Variants in TAL1 observed in about 807,000 individuals in gnomAD.
TAL1 encodes TAL bHLH transcription factor 1, erythroid differentiation factor.
TAL1 carries 8 observed loss-of-function variants against 17.9 expected under a neutral mutation model. That is an observed-to-expected ratio of 0.45 (90% CI 0.26 to 0.81). The LOEUF is 0.81. Ranked by LOEUF, TAL1 falls within the 30% of genes least tolerant of loss-of-function variation. The pLI is 0.17. For missense variants in TAL1, 466 were observed against 486.9 expected, an observed-to-expected ratio of 0.96 and a Z score of 0.40; for synonymous variants, 223 against 218.6, an observed-to-expected ratio of 1.02 and a Z score of -0.18.
chr1:47,225,438 C>G lies in TAL1; in HGVS notation c.446+5G>C. Reference sequence around the variant, plus strand: ...GCCCCTGGCCCCTGGCCCCTGGCCCCTGACCTGCCGAGAGAGGCCAGCGGC... The same window carrying G: ...GCCCCTGGCCCCTGGCCCCTGGCCCGTGACCTGCCGAGAGAGGCCAGCGGC... On this transcript the variant is annotated splice_donor_5th_base_variant and intron_variant, in intron 2 of 3. Transcript: ENST00000294339. 8.1e-7 allele frequency: 1 copy of G among 1,231,260 alleles called. No homozygotes were observed. Among genetic ancestry groups the G allele is most frequent in the Non-Finnish European group, 1.0e-6 (1 of 988,064 alleles). The allele number at this position is 1,231,260 out of a possible 1,614,324, so 76.3% of individuals were successfully genotyped here.
Position 47,225,664 on chromosome 1 carries a change from CT to C in TAL1, c.224del (p.Lys75ArgfsTer47). ...CTTCGGCCGTCGCCGCGTCGCGGCCCTTTAAGTCTCTCGCGGCGCCGCCCCC... is the reference window on the plus strand; with the variant it reads ...CTTCGGCCGTCGCCGCGTCGCGGCCCTTAAGTCTCTCGCGGCGCCGCCCCC... On this transcript the variant is annotated frameshift_variant, in exon 2 of 4. Coordinates refer to ENST00000294339, the Ensembl canonical transcript of TAL1. LOFTEE classifies it high-confidence loss of function. The C allele has an allele frequency of 7.1e-7, 1 of 1,416,592 alleles. No individual in the cohort carries two copies. The highest frequency in any genetic ancestry group is 9.1e-7 in the Non-Finnish European group (1 of 1,094,274). 87.8% of individuals were successfully genotyped at this position (1,416,592 alleles called of 1,614,324 possible).
chr1:47,231,924 T>C (rs773173991), upstream of TAL1, among the ~76,000 whole-genome samples: 24 of 152,056 alleles, frequency 1.6e-4, no homozygotes, highest in Non-Finnish European at 2.6e-4. Flanking sequence ...TTTCTGTATA[T>C]TGCGTAAGGA....
exon 4 of TAL1, chr1:47,218,485 A>G (rs1645543652): frequency 4.3e-6 from 1 of 232,962 alleles, no homozygotes; most frequent in Non-Finnish European, 8.5e-6. Context: ...CTATTGCATT[A>G]AACCAACCTC....
upstream of TAL1, chr1:47,231,038 G>A (rs1644003986): frequency 1.3e-5 from 2 of 154,360 alleles, no homozygotes; most frequent in Non-Finnish European, 2.9e-5. Context: ...CCGCACCCAC[G>A]AAACTGACCA....
upstream of TAL1, chr1:47,230,697 C>A (rs1171429506): frequency 6.6e-6 from 1 of 152,316 alleles, no homozygotes; most frequent in African/African-American, 2.4e-5. Flanking sequence ...CCAAAAGGGA[C>A]AAACTGCTGC....
exon 4 of TAL1, chr1:47,219,170 G>C (rs1376476371): frequency 2.3e-6 from 1 of 426,908 alleles, no homozygotes; most frequent in Non-Finnish European, 4.4e-6. Flanking sequence ...CCCTGAAGAA[G>C]GCACCTCGAG....
upstream of TAL1, chr1:47,230,703 G>A (rs1462029692): frequency 6.6e-6 from 1 of 152,236 alleles, no homozygotes; most frequent in Non-Finnish European, 1.5e-5. Flanking sequence ...GGGACAAACT[G>A]CTGCGCTCTG....
chr1:47,225,709 C>T, exon 2 of TAL1: 3 of 1,459,618 alleles, frequency 2.1e-6, no homozygotes, highest in East Asian at 2.9e-5. Context: ...GGCCGCCCCC[C>T]GGGCCTCCGC....
intron 3 of TAL1, among the ~76,000 whole-genome samples, chr1:47,223,056 C>T (rs377230947): frequency 2.6e-5 from 4 of 152,140 alleles, no homozygotes; most frequent in East Asian, 1.9e-4. Flanking sequence ...ATCCCAGCCC[C>T]GCTCCTCTCC....
At position 47,226,879 on chromosome 1, in the gene TAL1, G is replaced by A. The variant is rs115329596; in HGVS notation, c.-1-990C>T. ...TTGAACTCTTCCAGCCCCCCTCACC[G>A]CCATCTCCTGCCTTGGTGTTCTTTG... On this transcript the variant is annotated intron_variant, in intron 1 of 3. Transcript: ENST00000294339. Among the ~76,000 whole-genome samples, 330 of 152,264 alleles carry A rather than the reference G, an allele frequency of 2.2e-3. 1 individual carries two copies. The highest frequency in any genetic ancestry group is 7.4e-3 in the African/African-American group (307 of 41,524).
At chr1:47,220,249 A>T (rs1643755089) in intron 3 of TAL1, 75 bp from the exon 5 acceptor site, 1 of 1,432,766 alleles carries the variant, frequency 7.0e-7, no homozygotes, top group Non-Finnish European at 9.2e-7. Context: ...ATACATTGGG[A>T]AACTTGGGAA....
At chr1:47,225,041 A>T (rs1248096994) in intron 2 of TAL1, among the ~76,000 whole-genome samples, 2 of 150,000 alleles carry the variant, frequency 1.3e-5, no homozygotes, top group East Asian at 4.0e-4. Context: ...ACAAACATCT[A>T]CCTCTGCTCA....
intron 3 of TAL1, among the ~76,000 whole-genome samples, chr1:47,222,396 G>A (rs541842744): frequency 1.3e-5 from 2 of 152,324 alleles, no homozygotes; most frequent in Admixed American, 6.5e-5. Context: ...TCTGTGAGAT[G>A]TAAACAATAA....
At chr1:47,226,313 G>A in intron 1 of TAL1, 1 of 164,648 alleles carries the variant, frequency 6.1e-6, no homozygotes, top group Non-Finnish European at 1.3e-5. Flanking sequence ...ATTCCGGATC[G>A]TGCTCTTTGG....
chr1:47,222,413 C>T (rs972080196), intron 3 of TAL1, among the ~76,000 whole-genome samples: 2 of 152,078 alleles, frequency 1.3e-5, no homozygotes, highest in African/African-American at 4.8e-5. Flanking sequence ...ATAATATTGC[C>T]CTCATGAGCT....
exon 4 of TAL1, chr1:47,216,626 C>G (rs759025161): frequency 1.3e-5 from 3 of 231,356 alleles, no homozygotes; most frequent in Middle Eastern, 2.5e-3. Flanking sequence ...CCCAAAAGGC[C>G]GAAATAGTTG....
chr1:47,220,689 C>T (rs1380977126), intron 3 of TAL1, among the ~76,000 whole-genome samples: 1 of 152,182 alleles, frequency 6.6e-6, no homozygotes, highest in Non-Finnish European at 1.5e-5. Context: ...GTACCTAACA[C>T]AGGTAAAGAA....
rs1393684021 is a variant in TAL1 at position 47,224,010 on chromosome 1, T to G, written c.535A>C (p.Thr179Pro). Residue 179 changes from threonine to proline, a missense_variant, in exon 3 of 4, where the codon ACT (threonine) becomes CCT (proline). Physicochemically the swap from Thr to Pro is conservative, Grantham distance 38 (BLOSUM62 -1). Around this residue, in one of 5 missense-constraint regions of TAL1, gnomAD observed 158 missense variants for 151.7 expected, o/e 1.04. Transcript: ENST00000294339. Reference sequence around the variant, plus strand: ...TGGGGTGGGGCAGACTCACCATCAGTAATCTCCATCTCATAGGGGGAAGGT... The same window carrying G: ...TGGGGTGGGGCAGACTCACCATCAGGAATCTCCATCTCATAGGGGGAAGGT... 3 of 1,613,672 alleles carry G rather than the reference T, an allele frequency of 1.9e-6. No homozygotes were observed. The African/African-American group carries it at 4.0e-5, about 22-fold the overall frequency.
chr1:47,218,857 G>A (rs1645552110), exon 4 of TAL1: 3 of 244,202 alleles, frequency 1.2e-5, no homozygotes, highest in Non-Finnish European at 8.1e-6. Flanking sequence ...TCAGCACACT[G>A]GCATTCACTC....
Sources: gnomAD v4.1 joint callset for allele counts (sites outside exome capture counted in the v4.1 genomes callset) on GRCh38, gnomAD v4.1.1 for gene constraint, gnomAD v4.1.1 regional missense constraint, MANE v1.5 for transcripts, NCBI Gene and HGNC (gene_info 2026-07-23, HGNC 2026-07-21) for gene names.